Variants in XPO1 observed in about 807,000 individuals in gnomAD.
The protein encoded by XPO1 is exportin-1.
In XPO1, 5 loss-of-function variants were observed where a neutral mutation model predicts 133.3. The observed-to-expected ratio is 0.04, with a 90% CI of 0.02 to 0.08. The LOEUF is 0.08. Among genes scored for constraint, XPO1 ranks in the 10% least tolerant of loss-of-function variants. XPO1 has a pLI of 1.00. For synonymous variants in XPO1, 419 were observed against 408.2 expected (o/e 1.03, Z -0.32); for missense variants, 506 against 1,267.5 (o/e 0.40, Z 9.12).
chr2:61,499,029 C>G, intron 7 of XPO1, 116 bp from the exon 8 acceptor site: 1 of 1,225,774 alleles, frequency 8.2e-7, no homozygotes, highest in South Asian at 1.7e-5. Flanking sequence ...TGCCTGTAAT[C>G]GCAGAACTTT....
chr2:61,487,537 AAAAAACC>A (rs1696755967), intron 19 of XPO1, among the ~76,000 whole-genome samples: 1 of 152,078 alleles, frequency 6.6e-6, no homozygotes, highest in African/African-American at 2.4e-5. Context: ...CTTGTAAAAA[AAAAAACC>A]AAAAAACAAA....
At chr2:61,490,023 T>C (rs1346851893) in intron 17 of XPO1, among the ~76,000 whole-genome samples, 1 of 151,558 alleles carries the variant, frequency 6.6e-6, no homozygotes. Context: ...CCCGAGTAGC[T>C]GGGATTACAG....
intron 4 of XPO1, chr2:61,502,593 A>C: frequency 4.0e-6 from 1 of 249,058 alleles, no homozygotes; most frequent in South Asian, 5.3e-5. Context: ...TCTCTACTAA[A>C]AATACAAAAA....
rs552617132 is a variant in XPO1, at chr2:61,493,707, G to A, written c.1245+187C>T. The A allele has an allele frequency of 2.6e-4, 162 of 627,262 alleles. No homozygotes were observed. In the Middle Eastern group the frequency reaches 7.2e-3, roughly 28 times the overall value. The allele number at this position is 627,262 out of a possible 1,614,324, so 38.9% of individuals were successfully genotyped here. A position where few individuals can be genotyped will look rare whatever the true frequency, so the allele number is the denominator to read the frequency against. The stretch of plus-strand genomic sequence containing the variant: ...CAACCAATGTTGATACTGAGAGAAG[G>A]ACCACACTCTTGAGAATCAAGGTTC... On this transcript the variant is annotated intron_variant, in intron 12 of 24. Coordinates refer to ENST00000401558, the MANE Select transcript of XPO1 (RefSeq NM_003400.4).
At chr2:61,507,157 G>C (rs1319650694) in intron 4 of XPO1, among the ~76,000 whole-genome samples, 1 of 143,618 alleles carries the variant, frequency 7.0e-6, no homozygotes, top group Non-Finnish European at 1.5e-5. Flanking sequence ...TGAGGCAGGA[G>C]AATCACTTGA....
intron 10 of XPO1, among the ~76,000 whole-genome samples, chr2:61,496,560 C>G (rs779893493): frequency 9.2e-5 from 14 of 152,254 alleles, no homozygotes; most frequent in Middle Eastern, 3.4e-3. Flanking sequence ...GATAACCAAT[C>G]AAACTAGGGC....
intron 4 of XPO1, among the ~76,000 whole-genome samples, chr2:61,515,938 CA>C (rs1383190705): frequency 1.2e-4 from 3 of 25,076 alleles, no homozygotes; most frequent in African/African-American, 3.9e-4. Context: ...AAAAAAAAAC[CA>C]CACACACACA....
At position 61,482,368 on chromosome 2, in the gene XPO1, A is replaced by G; in HGVS notation, c.2972+12T>C. The G allele has an allele frequency of 6.3e-7, 1 of 1,587,200 alleles. No homozygotes were observed. Among genetic ancestry groups the G allele is most frequent in the Admixed American group, 1.8e-5 (1 of 55,030 alleles). ...CCAGGAACATTCTACGTTTATTAAA[A>G]GGTATATTTACTCTTGTAGGTGAGG... On this transcript the variant is annotated intron_variant, in intron 23 of 24. Transcript: ENST00000401558.
chr2:61,506,516 T>C (rs1429660673), intron 4 of XPO1, among the ~76,000 whole-genome samples: 2 of 145,824 alleles, frequency 1.4e-5, no homozygotes, highest in African/African-American at 5.1e-5. Flanking sequence ...GGAGAAACGC[T>C]TGAACCCAGG....
intron 4 of XPO1, among the ~76,000 whole-genome samples, chr2:61,517,367 T>G (rs1698445592): frequency 6.6e-6 from 1 of 152,142 alleles, no homozygotes; most frequent in Non-Finnish European, 1.5e-5. Context: ...GAGCATCACT[T>G]GAGGCCAGGA....
chr2:61,478,647 A>G lies in XPO1; in HGVS notation c.*173T>C. On this transcript the variant is annotated 3_prime_UTR_variant, in exon 25 of 25. Transcript: ENST00000401558. ...AAAGATGACCAAAACAAAAGCTTAA[A>G]CAATGGAAGGATATTTCACAGAAAA... 2 of 641,680 alleles carry G rather than the reference A, an allele frequency of 3.1e-6. No individual in the cohort carries two copies. Among genetic ancestry groups the G allele is most frequent in the African/African-American group, 1.9e-5 (1 of 53,982 alleles). 39.7% of individuals were successfully genotyped at this position (641,680 alleles called of 1,614,324 possible).
chr2:61,489,332 G>A (rs1442940862), intron 17 of XPO1, among the ~76,000 whole-genome samples: 1 of 150,182 alleles, frequency 6.7e-6, no homozygotes, highest in Non-Finnish European at 1.5e-5. Flanking sequence ...AGAACTGCTT[G>A]AGCTCGGGAG....
At chr2:61,506,952 G>A (rs1438175461) in intron 4 of XPO1, among the ~76,000 whole-genome samples, 3 of 151,948 alleles carry the variant, frequency 2.0e-5, no homozygotes, top group Non-Finnish European at 4.4e-5. Context: ...GAAGAAGGCC[G>A]GGCGCGGTGG....
intron 4 of XPO1, among the ~76,000 whole-genome samples, chr2:61,522,380 ATT>A: frequency 6.6e-6 from 1 of 152,116 alleles, no homozygotes; most frequent in East Asian, 1.9e-4. Context: ...TAGAATATTT[ATT>A]GTCAGAGTTT....
rs138706167 is a variant in XPO1, at chr2:61,510,373, T to C, written c.302-8063A>G. On this transcript the variant is annotated intron_variant, in intron 4 of 24. Transcript: ENST00000401558. ...TTTACTTACACAAGGGTATACAGGA[T>C]ATTGTTACTACTGTTCTCTCAATGA... 7.0e-3 allele frequency among the ~76,000 whole-genome samples: 1,073 copies of C among 152,354 alleles called. 10 individuals are homozygous for C. Among genetic ancestry groups the C allele is most frequent in the Non-Finnish European group, 0.012 (837 of 68,032 alleles).
rs867247579 is a variant in XPO1 at position 61,507,441 on chromosome 2, G to A, written c.302-5131C>T. Among the ~76,000 whole-genome samples, 40 of 151,862 alleles carry A rather than the reference G, an allele frequency of 2.6e-4. 1 individual carries two copies. The highest frequency in any genetic ancestry group is 2.2e-3 in the Admixed American group (33 of 15,192). On this transcript the variant is annotated intron_variant, in intron 4 of 24. Coordinates refer to ENST00000401558, the MANE Select transcript of XPO1 (RefSeq NM_003400.4). ...ATAAAAAAATTAGCTAGGCACAGTC[G>A]TTCGTGCCTATACTCCTAGCTACTT...
chr2:61,485,603 GAAGT>G (rs1696654509), intron 20 of XPO1, 161 bp downstream of exon 20: 1 of 664,502 alleles, frequency 1.5e-6, no homozygotes, highest in East Asian at 3.1e-5. Flanking sequence ...AAACTCCTGG[GAAGT>G]AAGTTCTTGA....
At chr2:61,493,832 G>A (rs1697112536) in intron 12 of XPO1, 62 bp downstream of exon 12, 2 of 1,527,076 alleles carry the variant, frequency 1.3e-6, no homozygotes, top group African/African-American at 1.4e-5. Context: ...AGAAGTATTT[G>A]GATTCAGACC....
intron 4 of XPO1, among the ~76,000 whole-genome samples, chr2:61,514,676 T>C (rs7563678): frequency 0.6 from 90,318 of 151,424 alleles, 26,977 homozygotes; most frequent in Middle Eastern, 0.68. Context: ...ACTAAAAACA[T>C]TGTCTATACC....
Sources: gnomAD v4.1 joint callset for allele counts (sites outside exome capture counted in the v4.1 genomes callset) on GRCh38, gnomAD v4.1.1 for gene constraint, MANE v1.5 for transcripts, NCBI Gene and HGNC (gene_info 2026-07-23, HGNC 2026-07-21) for gene names.